ASB3: variants seen among roughly 807,000 people sequenced by gnomAD.
ASB3 encodes ankyrin repeat and SOCS box containing 3, also known as ankyrin repeat and SOCS box protein 3.
Under a neutral mutation model 54.5 loss-of-function variants are expected in ASB3, and 41 were observed. That is an observed-to-expected ratio of 0.75 (90% confidence interval 0.59 to 0.98). The LOEUF is 0.98. ASB3 is among the 50% of genes least tolerant of loss of function. The pLI, the probability that ASB3 is intolerant of heterozygous loss-of-function variation, is 0.00. For missense variants in ASB3, 733 were observed against 620.0 expected (o/e 1.18, Z -1.94); for synonymous variants, 266 against 221.2 (o/e 1.20, Z -1.80).
chr2:53,783,637 G>C (rs921151461), intron 1 of ASB3, among the ~76,000 whole-genome samples: 2 of 152,242 alleles, frequency 1.3e-5, no homozygotes, highest in East Asian at 3.9e-4. Flanking sequence ...GCAAAAGAAA[G>C]AGACTGGCAT....
At chr2:53,737,530 A>T (rs1671708152) in intron 3 of ASB3, among the ~76,000 whole-genome samples, 1 of 152,092 alleles carries the variant, frequency 6.6e-6, no homozygotes, top group Admixed American at 6.5e-5. Flanking sequence ...AAGGGTCAAG[A>T]ATGGAACAGA....
At chr2:53,766,165 C>A (rs1673439396) in intron 1 of ASB3, among the ~76,000 whole-genome samples, 1 of 152,170 alleles carries the variant, frequency 6.6e-6, no homozygotes, top group African/African-American at 2.4e-5. Context: ...TATGCTTGAC[C>A]AAATAGACCC....
chr2:53,747,806 G>C (rs1008392152), intron 3 of ASB3, among the ~76,000 whole-genome samples: 1 of 152,140 alleles, frequency 6.6e-6, no homozygotes, highest in East Asian at 1.9e-4. Flanking sequence ...CACTAAAAGA[G>C]AATGCATAAA....
intron 9 of ASB3, among the ~76,000 whole-genome samples, chr2:53,685,713 A>T (rs540762217): frequency 6.6e-6 from 1 of 152,328 alleles, no homozygotes; most frequent in East Asian, 1.9e-4. Flanking sequence ...CTCCAGATGA[A>T]TTCTGCACCA....
intron 8 of ASB3, among the ~76,000 whole-genome samples, chr2:53,694,721 T>C (rs1669094441): frequency 6.6e-6 from 1 of 152,194 alleles, no homozygotes; most frequent in Admixed American, 6.6e-5. Flanking sequence ...TGATGTTTAA[T>C]ACTGCTTCTG....
At chr2:53,757,806 G>T (rs1672919450) in intron 2 of ASB3, among the ~76,000 whole-genome samples, 2 of 152,160 alleles carry the variant, frequency 1.3e-5, no homozygotes, top group South Asian at 4.1e-4. Flanking sequence ...TAAATGGCTA[G>T]GAGGATTGCT....
At chr2:53,733,290 C>T (rs1343422389) in intron 3 of ASB3, among the ~76,000 whole-genome samples, 1 of 152,178 alleles carries the variant, frequency 6.6e-6, no homozygotes, top group Non-Finnish European at 1.5e-5. Context: ...ATGTTGCTAA[C>T]AGGAATGAAC....
intron 3 of ASB3, among the ~76,000 whole-genome samples, chr2:53,735,902 T>C (rs541377674): frequency 6.6e-6 from 1 of 151,548 alleles, no homozygotes; most frequent in African/African-American, 2.4e-5. Context: ...AATATCCATA[T>C]GGGGAAAAAA....
intron 1 of ASB3, among the ~76,000 whole-genome samples, chr2:53,773,965 G>A (rs1674142106): frequency 6.6e-6 from 1 of 152,102 alleles, no homozygotes; most frequent in Admixed American, 6.5e-5. Context: ...AACCCGGGAG[G>A]CTGAGGTTGC....
intron 2 of ASB3, among the ~76,000 whole-genome samples, chr2:53,752,592 G>A (rs56285430): frequency 0.011 from 1,718 of 152,254 alleles, 35 homozygotes; most frequent in African/African-American, 0.04. Flanking sequence ...GGAATTTTTC[G>A]CCCCCATGGG....
At chr2:53,716,817 T>TACC in intron 5 of ASB3, 74 bp from the exon 6 acceptor site, 1 of 1,486,156 alleles carries the variant, frequency 6.7e-7, no homozygotes, top group Non-Finnish European at 9.0e-7. Context: ...TCAAAGGAAC[T>TACC]ACCATAAAAG....
intron 1 of ASB3, among the ~76,000 whole-genome samples, chr2:53,776,245 C>A (rs935281536): frequency 6.6e-6 from 1 of 152,192 alleles, no homozygotes; most frequent in Non-Finnish European, 1.5e-5. Context: ...TATCTTCCAA[C>A]ATTTTAAATA....
At chr2:53,715,522 A>G (rs1420900077) in intron 6 of ASB3, among the ~76,000 whole-genome samples, 8 of 152,200 alleles carry the variant, frequency 5.3e-5, no homozygotes, top group Non-Finnish European at 1.2e-4. Context: ...TTGAGAACAA[A>G]TGCCCAGGAG....
At chr2:53,748,274 A>G (rs1228490385) in intron 3 of ASB3, 3 of 152,220 alleles carry the variant, frequency 2.0e-5, no homozygotes, top group Non-Finnish European at 4.4e-5. Flanking sequence ...CAAACTTGTA[A>G]AATCACCTTT....
chr2:53,712,691 A>G (rs1412539591), intron 7 of ASB3, among the ~76,000 whole-genome samples: 1 of 152,180 alleles, frequency 6.6e-6, no homozygotes, highest in African/African-American at 2.4e-5. Flanking sequence ...AGGACCAAAA[A>G]CATTGTTCAT....
At chr2:53,708,358 C>T (rs1442582515) in intron 7 of ASB3, among the ~76,000 whole-genome samples, 1 of 152,230 alleles carries the variant, frequency 6.6e-6, no homozygotes, top group Non-Finnish European at 1.5e-5. Context: ...CAGACACCAA[C>T]ATCATGGTTC....
chr2:53,689,401 T>C (rs1668794875), intron 9 of ASB3, among the ~76,000 whole-genome samples: 1 of 152,210 alleles, frequency 6.6e-6, no homozygotes, highest in East Asian at 1.9e-4. Flanking sequence ...GCAAGATACA[T>C]GTTCTTGCTA....
At chr2:53,775,693 C>G (rs1018416625) in intron 1 of ASB3, among the ~76,000 whole-genome samples, 15 of 152,158 alleles carry the variant, frequency 9.9e-5, no homozygotes, top group African/African-American at 3.4e-4. Flanking sequence ...CCAAGCTGGT[C>G]TCGATCTCCT....
intron 1 of ASB3, among the ~76,000 whole-genome samples, chr2:53,771,279 C>T (rs1673885551): frequency 1.3e-5 from 2 of 152,284 alleles, no homozygotes; most frequent in South Asian, 4.1e-4. Context: ...CTTTGGGAGG[C>T]CGAGACGGGT....
Sources: allele counts gnomAD v4.1 joint callset (sites outside exome capture counted in the v4.1 genomes callset), GRCh38; gene constraint gnomAD v4.1.1; transcripts MANE v1.5; gene names NCBI Gene and HGNC (gene_info 2026-07-23, HGNC 2026-07-21).